SYNE1: variants seen among roughly 807,000 people sequenced by gnomAD.
SYNE1 encodes nesprin-1.
SYNE1 carries 616 observed loss-of-function variants against 1,111.0 expected under a neutral mutation model. The ratio of observed to expected loss-of-function variants is 0.55; its 90% CI spans 0.52 to 0.59. SYNE1 has a LOEUF of 0.59. SYNE1 is among the 20% of genes least tolerant of loss of function. The pLI is 0.00. For synonymous variants in SYNE1, 3,855 were observed against 3,825.8 expected, an observed-to-expected ratio of 1.01 and a Z score of -0.28; for missense variants, 10,006 against 10,417.0, an observed-to-expected ratio of 0.96 and a Z score of 1.72.
chr6:152,630,069 T>G (rs1205749141), intron 2 of SYNE1, among the ~76,000 whole-genome samples: 1 of 152,084 alleles, frequency 6.6e-6, no homozygotes, highest in African/African-American at 2.4e-5. Flanking sequence ...CTATTATATA[T>G]TGGTATCTGG....
chr6:152,359,607 CAG>C, intron 64 of SYNE1, 149 bp from the exon 65 acceptor site: 7 of 984,440 alleles, frequency 7.1e-6, no homozygotes, highest in Non-Finnish European at 1.1e-5. Flanking sequence ...CTATTTGACA[CAG>C]ATATGTGTGT....
Position 152,628,319 on chromosome 6 carries a change from T to A in SYNE1, c.13A>T (p.Arg5Ter). 5.0e-6 allele frequency: 8 copies of A among 1,614,198 alleles called. No individual in the cohort carries two copies. The highest frequency in any genetic ancestry group is 6.8e-6 in the Non-Finnish European group (8 of 1,180,026). Residue 5 changes from arginine (R) to a stop codon, truncating the protein, a stop_gained, in exon 3 of 146, where the codon AGA becomes TGA. Coordinates refer to ENST00000367255, the MANE Select transcript of SYNE1 (RefSeq NM_182961.4). LOFTEE classifies it high-confidence loss of function. MATS[R>*]GASRCPRDIA... ...TCCCGAGGACACCGGGAGGCCCCTC[T>A]GGAGGTTGCCATGGTCCCTCCGGAA...
chr6:152,377,671 A>ATC (rs1554582494), intron 56 of SYNE1, among the ~76,000 whole-genome samples: 38 of 130,552 alleles, frequency 2.9e-4, no homozygotes, highest in African/African-American at 4.8e-4. Context: ...ATATATATAT[A>ATC]TCTCCAAAAT....
chr6:152,521,593 A>G (rs1260033914), intron 5 of SYNE1, among the ~76,000 whole-genome samples: 2 of 152,110 alleles, frequency 1.3e-5, no homozygotes, highest in African/African-American at 4.8e-5. Context: ...TGCAGTCTCC[A>G]TTTACATTTC....
At chr6:152,517,697 C>T (rs2099118915) in intron 6 of SYNE1, among the ~76,000 whole-genome samples, 2 of 151,928 alleles carry the variant, frequency 1.3e-5, no homozygotes, top group African/African-American at 4.8e-5. Flanking sequence ...GGATGATTTC[C>T]AGGACATATT....
intron 65 of SYNE1, 77 bp from the exon 66 acceptor site, chr6:152,358,614 G>C: frequency 1.4e-6 from 2 of 1,452,056 alleles, no homozygotes; most frequent in Non-Finnish European, 1.9e-6. Flanking sequence ...ATTCACTTTT[G>C]TAATTTTAGA....
chr6:152,489,457 C>CTTTTTTTTTTT (rs3076635), intron 11 of SYNE1, among the ~76,000 whole-genome samples: 2 of 112,316 alleles, frequency 1.8e-5, no homozygotes, highest in African/African-American at 6.7e-5. Flanking sequence ...CTTGGTGTGT[C>CTTTTTTTTTTT]TTTTTTTTTT....
At chr6:152,475,270 C>T (rs2098828366) in intron 14 of SYNE1, among the ~76,000 whole-genome samples, 1 of 152,042 alleles carries the variant, frequency 6.6e-6, no homozygotes, top group Non-Finnish European at 1.5e-5. Context: ...GGTTATGTCC[C>T]AATAAAACTC....
chr6:152,169,493 C>T (rs1368167365), intron 130 of SYNE1, among the ~76,000 whole-genome samples: 1 of 134,502 alleles, frequency 7.4e-6, no homozygotes, highest in Admixed American at 9.0e-5. Context: ...ACCTGGGAGG[C>T]AGAGCTTGCA....
At chr6:152,461,247 T>A (rs1482772297) in intron 21 of SYNE1, among the ~76,000 whole-genome samples, 1 of 152,050 alleles carries the variant, frequency 6.6e-6, no homozygotes, top group African/African-American at 2.4e-5. Context: ...CTTAACCAAT[T>A]CTCATTTAAA....
chr6:152,263,614 G>A (rs1298892066), intron 100 of SYNE1, among the ~76,000 whole-genome samples: 7 of 151,220 alleles, frequency 4.6e-5, no homozygotes, highest in African/African-American at 1.7e-4. Flanking sequence ...TCCCAGGCTG[G>A]TCTGGAACTC....
intron 99 of SYNE1, among the ~76,000 whole-genome samples, chr6:152,268,470 A>T (rs2092921221): frequency 1.3e-5 from 2 of 151,750 alleles, no homozygotes; most frequent in Admixed American, 1.3e-4. Flanking sequence ...ATGTACTCTC[A>T]TTTTTCAAAA....
chr6:152,376,775 C>G lies in SYNE1; in HGVS notation c.9146+1G>C, dbSNP rs1156247588. 1 of 1,613,588 alleles carries G rather than the reference C, an allele frequency of 6.2e-7. No homozygotes were observed. Among genetic ancestry groups the G allele is most frequent in the African/African-American group, 1.3e-5 (1 of 74,884 alleles). ...TGAACACCAATAAGGTTCATGCTCA[C>G]CAATTATACTCTTTAATCAAGCCAG... On this transcript the variant is annotated splice_donor_variant, in intron 57 of 145. Transcript: ENST00000367255. LOFTEE classifies it high-confidence loss of function.
At chr6:152,170,519 T>A (rs2064921799) in intron 130 of SYNE1, among the ~76,000 whole-genome samples, 1 of 152,212 alleles carries the variant, frequency 6.6e-6, no homozygotes, top group Admixed American at 6.5e-5. Flanking sequence ...AGTTCTGTGC[T>A]GTTTCTGTGC....
chr6:152,134,156 T>C (rs374560330), intron 142 of SYNE1: 2 of 153,410 alleles, frequency 1.3e-5, no homozygotes, highest in African/African-American at 4.8e-5. Context: ...CACTTAAATA[T>C]ACTGTACATT....
chr6:152,311,439 TG>T (rs2095543288), intron 87 of SYNE1, among the ~76,000 whole-genome samples: 2 of 152,096 alleles, frequency 1.3e-5, no homozygotes, highest in South Asian at 4.2e-4. Flanking sequence ...TCATTCAGAG[TG>T]GTATCATCTA....
At chr6:152,606,253 G>A (rs1016757835) in intron 3 of SYNE1, among the ~76,000 whole-genome samples, 6 of 152,080 alleles carry the variant, frequency 3.9e-5, no homozygotes, top group Non-Finnish European at 4.4e-5. Context: ...GGTCCAAGCC[G>A]GAGATGAAGC....
chr6:152,527,315 A>AT (rs2099168182), intron 4 of SYNE1, among the ~76,000 whole-genome samples: 2 of 152,104 alleles, frequency 1.3e-5, no homozygotes, highest in African/African-American at 2.4e-5. Flanking sequence ...GTTAAAATGT[A>AT]TTTTTCTCTC....
At chr6:152,310,967 C>G in intron 87 of SYNE1, 94 bp from the exon 88 acceptor site, 7 of 1,297,704 alleles carry the variant, frequency 5.4e-6, no homozygotes, top group Non-Finnish European at 7.6e-6. Flanking sequence ...TGTGTAAGTT[C>G]TGTGTGTCCG....
Sources: allele counts gnomAD v4.1 joint callset (sites outside exome capture counted in the v4.1 genomes callset), GRCh38; gene constraint gnomAD v4.1.1; transcripts MANE v1.5; gene names NCBI Gene and HGNC (gene_info 2026-07-23, HGNC 2026-07-21).